ASB5: variants seen among roughly 807,000 people sequenced by gnomAD.
ASB5 encodes ankyrin repeat and SOCS box protein 5.
A neutral mutation model predicts 42.1 loss-of-function variants in ASB5; 45 were observed. The observed-to-expected ratio is 1.07, with a 90% confidence interval of 0.84 to 1.37. The LOEUF is 1.37. Among genes scored for constraint, ASB5 ranks in the 40% most tolerant of loss-of-function variants. The pLI is 0.00. For synonymous variants in ASB5, 147 were observed against 150.6 expected (o/e 0.98, Z 0.18); for missense variants, 402 against 399.8 (o/e 1.01, Z -0.05).
At chr4:176,250,924 C>G (rs555350394) in intron 1 of ASB5, among the ~76,000 whole-genome samples, 10 of 152,310 alleles carry the variant, frequency 6.6e-5, no homozygotes, top group African/African-American at 2.4e-4. Context: ...CTGGTCCTTT[C>G]ATTCTTTTTA....
At chr4:176,224,620 G>A (rs1753323609) in intron 2 of ASB5, among the ~76,000 whole-genome samples, 1 of 151,848 alleles carries the variant, frequency 6.6e-6, no homozygotes, top group Admixed American at 6.6e-5. Context: ...TGATCCACCT[G>A]CCTCCGCCTC....
At chr4:176,224,410 G>A (rs745768280) in intron 2 of ASB5, among the ~76,000 whole-genome samples, 1 of 151,564 alleles carries the variant, frequency 6.6e-6, no homozygotes, top group African/African-American at 2.4e-5. Flanking sequence ...CATTTTTGTA[G>A]TTTTAGTAGA....
rs563600163 is a variant in ASB5 at position 176,275,000 on chromosome 4, C to T, written c.-90+796G>A. Reference sequence around the variant, plus strand: ...CACTATCTGGGCTCACTGCAGCCTCCATCTCCCAGGTTCAAGCGATTCTCC... The same window carrying T: ...CACTATCTGGGCTCACTGCAGCCTCTATCTCCCAGGTTCAAGCGATTCTCC... On this transcript the variant is annotated intron_variant, in intron 2 of 2. Transcript: ENST00000505299. Among the ~76,000 whole-genome samples the T allele has an allele frequency of 1.5e-3, 229 of 149,998 alleles. 2 individuals carry two copies. The highest frequency in any genetic ancestry group is 5.5e-3 in the African/African-American group (222 of 40,624).
At chr4:176,219,927 G>A (rs543137551) in intron 5 of ASB5, among the ~76,000 whole-genome samples, 1 of 152,164 alleles carries the variant, frequency 6.6e-6, no homozygotes, top group Non-Finnish European at 1.5e-5. Context: ...CTCTAAAGCA[G>A]GGGTGTCCAA....
At position 176,267,969 on chromosome 4, in the gene ASB5, T is replaced by C. The variant is rs532174993; in HGVS notation, c.196+944A>G. On this transcript the variant is annotated intron_variant, in intron 1 of 6. Transcript: ENST00000296525. ...GGCAAGCTTTCTACTCTAAGAGACT[T>C]TTCTTTCAAGTTTACATGTTTAAAT... 2.0e-5 allele frequency among the ~76,000 whole-genome samples: 3 copies of C among 152,316 alleles called. No homozygotes were observed. The South Asian group carries it at 6.2e-4, about 32-fold the overall frequency.
chr4:176,276,178 T>G (rs1354526744), intron 1 of ASB5, among the ~76,000 whole-genome samples: 1 of 152,218 alleles, frequency 6.6e-6, no homozygotes, highest in African/African-American at 2.4e-5. Flanking sequence ...TTGGGAGGTT[T>G]AAATGCAATA....
intron 1 of ASB5, among the ~76,000 whole-genome samples, chr4:176,233,865 G>A (rs778320944): frequency 2.6e-5 from 4 of 152,024 alleles, no homozygotes; most frequent in Admixed American, 6.6e-5. Context: ...GTCCCAAACC[G>A]AACCCTTGAT....
chr4:176,225,702 G>A (rs745796616), intron 1 of ASB5, among the ~76,000 whole-genome samples: 3 of 152,084 alleles, frequency 2.0e-5, no homozygotes, highest in Non-Finnish European at 4.4e-5. Flanking sequence ...AGATTATCCC[G>A]CCTCAGTTTC....
upstream of ASB5, among the ~76,000 whole-genome samples, chr4:176,270,999 A>G (rs1449859785): frequency 1.1e-4 from 16 of 152,176 alleles, no homozygotes. Flanking sequence ...TCTTCGCATG[A>G]GCTAATCAGG....
At chr4:176,274,845 G>A (rs951038876) in intron 2 of ASB5, among the ~76,000 whole-genome samples, 1 of 151,432 alleles carries the variant, frequency 6.6e-6, no homozygotes, top group African/African-American at 2.4e-5. Context: ...AAGATCCAAA[G>A]CATGGGACTA....
At chr4:176,219,838 A>C (rs1344174597) in intron 5 of ASB5, among the ~76,000 whole-genome samples, 1 of 151,478 alleles carries the variant, frequency 6.6e-6, no homozygotes, top group Non-Finnish European at 1.5e-5. Flanking sequence ...AAGTGCTGGG[A>C]TTACAGGCCC....
intron 1 of ASB5, among the ~76,000 whole-genome samples, chr4:176,263,372 GTC>G (rs67569639): frequency 0.65 from 98,258 of 151,802 alleles, 32,032 homozygotes; most frequent in Middle Eastern, 0.72. Flanking sequence ...ATTTGACAGA[GTC>G]TTTTCTAAAC....
chr4:176,244,111 C>T (rs535130846), intron 1 of ASB5, among the ~76,000 whole-genome samples: 2 of 152,254 alleles, frequency 1.3e-5, no homozygotes, highest in East Asian at 3.9e-4. Context: ...TCTTTGCTCA[C>T]TTTCTTTTGT....
At chr4:176,266,897 T>C (rs558484412) in intron 1 of ASB5, among the ~76,000 whole-genome samples, 71 of 152,308 alleles carry the variant, frequency 4.7e-4, no homozygotes, top group African/African-American at 1.6e-3. Flanking sequence ...CCTAAAAGTA[T>C]ATGGGAATGT....
At position 176,236,250 on chromosome 4, in the gene ASB5, C is replaced by A. The variant is rs1283415149; in HGVS notation, c.197-10909G>T. 2.0e-5 allele frequency among the ~76,000 whole-genome samples: 3 copies of A among 151,932 alleles called. No individual in the cohort carries two copies. The South Asian group carries it at 6.2e-4, about 31-fold the overall frequency. ...GTTTAGTGCATAGTTAGGTAACTTA[C>A]CCTTCATTTAAGAAATGACAGGATT... On this transcript the variant is annotated intron_variant, in intron 1 of 6. Transcript: ENST00000296525.
intron 1 of ASB5, among the ~76,000 whole-genome samples, chr4:176,267,496 T>C (rs2126979798): frequency 6.6e-6 from 1 of 152,172 alleles, no homozygotes; most frequent in Non-Finnish European, 1.5e-5. Flanking sequence ...TGGTTGTGTG[T>C]CCTAGCTACT....
At chr4:176,228,328 T>C (rs1048828499) in intron 1 of ASB5, among the ~76,000 whole-genome samples, 56 of 152,230 alleles carry the variant, frequency 3.7e-4, no homozygotes, top group African/African-American at 1.3e-3. Context: ...AGTTAAGTCT[T>C]ATCACATATT....
chr4:176,248,925 T>G (rs1753964125), intron 1 of ASB5, among the ~76,000 whole-genome samples: 1 of 152,174 alleles, frequency 6.6e-6, no homozygotes, highest in Admixed American at 6.5e-5. Context: ...GGGGTTCTAT[T>G]TCGTGACTTG....
intron 2 of ASB5, 85 bp from the exon 3 acceptor site, chr4:176,222,505 ATTTTAGACATCAAAG>A: frequency 8.1e-7 from 1 of 1,230,118 alleles, no homozygotes; most frequent in Non-Finnish European, 1.2e-6. Context: ...AGAGTGATAT[ATTTTAGACATCAAAG>A]AATCTCAGGC....
Sources: allele counts gnomAD v4.1 joint callset (sites outside exome capture counted in the v4.1 genomes callset), GRCh38; gene constraint gnomAD v4.1.1; transcripts MANE v1.5; gene names NCBI Gene and HGNC (gene_info 2026-07-23, HGNC 2026-07-21).